Variants in OR9Q1 observed in about 807,000 individuals in gnomAD.
OR9Q1 encodes the protein olfactory receptor family 9 subfamily Q member 1.
For synonymous variants in OR9Q1, 153 were observed against 148.6 expected (o/e 1.03, Z -0.22); for missense variants, 374 against 378.8 (o/e 0.99, Z 0.11).
At chr11:58,147,168 A>T (rs1046377822) in intron 2 of OR9Q1, among the ~76,000 whole-genome samples, 4 of 152,152 alleles carry the variant, frequency 2.6e-5, no homozygotes, top group African/African-American at 4.8e-5. Context: ...TAGCAGGTGC[A>T]TGGCTTTGAT....
intron 2 of OR9Q1, among the ~76,000 whole-genome samples, chr11:58,158,170 T>C (rs1854425074): frequency 1.3e-5 from 2 of 152,228 alleles, no homozygotes; most frequent in Admixed American, 6.5e-5. Flanking sequence ...ACTCTGATTC[T>C]TTCCGTCCTT....
chr11:58,036,306 G>A (rs1360811842), intron 1 of OR9Q1, among the ~76,000 whole-genome samples: 1 of 152,184 alleles, frequency 6.6e-6, no homozygotes, highest in African/African-American at 2.4e-5. Flanking sequence ...TACTGCTCGG[G>A]AAAGAATAGT....
rs544497086 is a variant in OR9Q1, at chr11:58,120,370, T to C, written c.-14-59061T>C. On this transcript the variant is annotated intron_variant, in intron 2 of 2. Transcript: ENST00000335397. ...ATAACATATTCACCTATTTGTAACA[T>C]AGAAAAATATGCTTATGTCATAGGG... Among the ~76,000 whole-genome samples the C allele has an allele frequency of 8.3e-4, 126 of 152,268 alleles. 1 individual carries two copies. The highest frequency in any genetic ancestry group is 2.7e-3 in the African/African-American group (112 of 41,558).
rs58893511 is a variant in OR9Q1 at position 58,059,687 on chromosome 11, C to CAAAA, written c.-15+3766_-15+3769dup. Among the ~76,000 whole-genome samples the CAAAA allele has an allele frequency of 4.2e-3, 167 of 40,210 alleles. 15 individuals carry two copies. Among genetic ancestry groups the CAAAA allele is most frequent in the East Asian group, 0.04 (28 of 698 alleles). 26.4% of individuals were successfully genotyped at this position (40,210 alleles called of 152,430 possible). A position where few individuals can be genotyped will look rare whatever the true frequency, so the allele number is the denominator to read the frequency against. On this transcript the variant is annotated intron_variant, in intron 2 of 2. Transcript: ENST00000335397. The stretch of plus-strand genomic sequence containing the variant: ...TGGGTGACTGAGTGAGGCTCTGTCT[C>CAAAA]AAAAAAAAAAAAAAAAAAAAAAAAA...
intron 2 of OR9Q1, among the ~76,000 whole-genome samples, chr11:58,151,684 G>A (rs1854353039): frequency 6.6e-6 from 1 of 152,088 alleles, no homozygotes; most frequent in African/African-American, 2.4e-5. Context: ...ACAAGTATGT[G>A]TACACAACCA....
intron 2 of OR9Q1, among the ~76,000 whole-genome samples, chr11:58,081,948 G>A (rs1044734824): frequency 6.6e-6 from 1 of 151,970 alleles, no homozygotes; most frequent in African/African-American, 2.4e-5. Flanking sequence ...GCATTTTTAA[G>A]AAACATTTTG....
intron 2 of OR9Q1, among the ~76,000 whole-genome samples, chr11:58,138,557 A>G (rs868293590): frequency 1.1e-4 from 17 of 152,360 alleles, no homozygotes; most frequent in South Asian, 4.1e-4. Flanking sequence ...GGCACACAGC[A>G]TGCTGTTTCC....
chr11:58,054,222 T>G (rs184613859), intron 1 of OR9Q1, among the ~76,000 whole-genome samples: 1 of 152,338 alleles, frequency 6.6e-6, no homozygotes, highest in African/African-American at 2.4e-5. Flanking sequence ...ATCCAGTGGT[T>G]TGATCTTCAA....
intron 2 of OR9Q1, among the ~76,000 whole-genome samples, chr11:58,088,907 G>A (rs531158945): frequency 7.9e-5 from 12 of 151,242 alleles, no homozygotes; most frequent in East Asian, 1.9e-4. Flanking sequence ...ACGGAGTTTC[G>A]CTCTTGTTGC....
intron 2 of OR9Q1, among the ~76,000 whole-genome samples, chr11:58,070,707 AC>A (rs1853479594): frequency 6.6e-6 from 1 of 152,204 alleles, no homozygotes; most frequent in African/African-American, 2.4e-5. Flanking sequence ...CTGTACAGGC[AC>A]TGAGCCATGG....
At chr11:58,154,368 C>A (rs1854385126) in intron 2 of OR9Q1, among the ~76,000 whole-genome samples, 1 of 133,476 alleles carries the variant, frequency 7.5e-6, no homozygotes, top group South Asian at 2.7e-4. Context: ...CAATAAAAAT[C>A]AATGCAATGG....
chr11:58,154,802 C>CT (rs1276264157), intron 2 of OR9Q1, among the ~76,000 whole-genome samples: 2 of 152,086 alleles, frequency 1.3e-5, no homozygotes, highest in African/African-American at 4.8e-5. Flanking sequence ...AGCAGCTGAG[C>CT]TAGGATTGAA....
intron 2 of OR9Q1, among the ~76,000 whole-genome samples, chr11:58,169,941 C>G (rs190233530): frequency 3.2e-4 from 49 of 152,040 alleles, no homozygotes; most frequent in African/African-American, 9.4e-4. Context: ...AAGAGACATA[C>G]AGTCTGCATT....
chr11:58,053,042 G>A lies in OR9Q1; in HGVS notation c.-92-2828G>A, dbSNP rs1283295009. ...CAACCATTGTGGAAGTCAGTGTGGC[G>A]ATTCCTCAGGGATCTAGAACTAGAA... On this transcript the variant is annotated intron_variant, in intron 1 of 2. Coordinates refer to ENST00000335397, the MANE Select transcript of OR9Q1 (RefSeq NM_001005212.4). Among the ~76,000 whole-genome samples, 105 of 151,700 alleles carry A rather than the reference G, an allele frequency of 6.9e-4. No individual in the cohort carries two copies. The South Asian group carries it at 0.011, about 15-fold the overall frequency.
At chr11:58,175,033 G>A (rs1854590708) in intron 2 of OR9Q1, among the ~76,000 whole-genome samples, 1 of 143,304 alleles carries the variant, frequency 7.0e-6, no homozygotes, top group Admixed American at 7.4e-5. Context: ...TTGAACCTGG[G>A]AGGCAGAGGT....
chr11:58,115,674 G>A (rs145672103), intron 2 of OR9Q1, among the ~76,000 whole-genome samples: 155 of 152,262 alleles, frequency 1.0e-3, no homozygotes, highest in Admixed American at 1.8e-3. Context: ...TGACATGGGC[G>A]TCGAACCCAT....
intron 2 of OR9Q1, among the ~76,000 whole-genome samples, chr11:58,128,254 TA>T (rs56238213): frequency 2.6e-3 from 329 of 126,218 alleles, no homozygotes; most frequent in Middle Eastern, 8.0e-3. Flanking sequence ...CAAGAAAAAC[TA>T]AAAAAAAAAA....
At chr11:58,100,556 T>A (rs1159683059) in intron 2 of OR9Q1, among the ~76,000 whole-genome samples, 5 of 152,262 alleles carry the variant, frequency 3.3e-5, no homozygotes, top group Non-Finnish European at 7.4e-5. Context: ...CTTTATGGTG[T>A]TTTTCCCCTT....
At chr11:58,081,799 T>C (rs936873982) in intron 2 of OR9Q1, among the ~76,000 whole-genome samples, 25 of 151,042 alleles carry the variant, frequency 1.7e-4, no homozygotes, top group African/African-American at 5.1e-4. Flanking sequence ...GTTTCTTTTT[T>C]TTTTTTTTTT....
Sources: allele counts gnomAD v4.1 joint callset (sites outside exome capture counted in the v4.1 genomes callset), GRCh38; gene constraint gnomAD v4.1.1; transcripts MANE v1.5; gene names NCBI Gene and HGNC (gene_info 2026-07-23, HGNC 2026-07-21).